RAPGEF2: variants seen among roughly 807,000 people sequenced by gnomAD.
The protein encoded by RAPGEF2 is PDZ domain containing guanine nucleotide exchange factor (GEF) 1.
In RAPGEF2, 54 loss-of-function variants were observed where a neutral mutation model predicts 186.7. The ratio of observed to expected loss-of-function variants is 0.29; its 90% CI spans 0.23 to 0.36. The LOEUF (loss-of-function observed/expected upper bound fraction) is 0.36. RAPGEF2 is among the 10% of genes least tolerant of loss of function. The pLI is 1.00. For missense variants in RAPGEF2, 1,532 were observed against 2,045.0 expected (o/e 0.75, Z 4.84); for synonymous variants, 712 against 705.9 (o/e 1.01, Z -0.14).
chr4:159,199,085 C>T (rs1331542640), intron 3 of RAPGEF2, among the ~76,000 whole-genome samples: 1 of 144,440 alleles, frequency 6.9e-6, no homozygotes, highest in African/African-American at 2.6e-5. Context: ...AAAAGTGAAA[C>T]CAAAGGTTTT....
At chr4:159,357,820 G>T (rs1243728023) in intron 29 of RAPGEF2, among the ~76,000 whole-genome samples, 2 of 151,296 alleles carry the variant, frequency 1.3e-5, no homozygotes, top group Non-Finnish European at 1.5e-5. Context: ...TTTTTAAATG[G>T]CACATGCTAT....
rs201695186 is a variant in RAPGEF2, at chr4:159,353,460, TC to T, written c.4092-26del. On this transcript the variant is annotated intron_variant, in intron 27 of 29. Coordinates refer to ENST00000691494, the MANE Select transcript of RAPGEF2 (RefSeq NM_001394067.2). This position sits in a 1 kb window ranked among gnomAD's most constrained non-coding sequence, Gnocchi z 4.3. The stretch of plus-strand genomic sequence containing the variant: ...TTAGTTATCAATCTTGTTTTTTTTT[TC>T]TTTTCCATTTCTTTTAACCACTTAG... 1.3e-4 allele frequency: 179 copies of T among 1,413,192 alleles called. No homozygotes were observed. In the East Asian group the frequency reaches 2.8e-3, roughly 22 times the overall value. The allele number at this position is 1,413,192 out of a possible 1,614,324, so 87.5% of individuals were successfully genotyped here. A position where few individuals can be genotyped will look rare whatever the true frequency, so the allele number is the denominator to read the frequency against.
intron 7 of RAPGEF2, among the ~76,000 whole-genome samples, chr4:159,257,830 T>G (rs1756361341): frequency 6.6e-6 from 1 of 152,186 alleles, no homozygotes; most frequent in African/African-American, 2.4e-5. Flanking sequence ...TACTGTAGAC[T>G]TGTATAATTT....
At chr4:159,313,627 C>G (rs999783993) in intron 8 of RAPGEF2, among the ~76,000 whole-genome samples, 2 of 151,900 alleles carry the variant, frequency 1.3e-5, no homozygotes, top group African/African-American at 4.8e-5. Flanking sequence ...TGAAGTTGAA[C>G]TTTGTAATAT....
intron 1 of RAPGEF2, among the ~76,000 whole-genome samples, chr4:159,182,850 A>G (rs763765053): frequency 2.6e-5 from 4 of 152,226 alleles, no homozygotes; most frequent in Non-Finnish European, 2.9e-5. Context: ...AATTAAAAGG[A>G]TTAAAATTTA....
Position 159,104,225 on chromosome 4 carries a change from C to G in RAPGEF2, c.63C>G (p.Thr21=). 1 of 1,143,686 alleles carries G rather than the reference C, an allele frequency of 8.7e-7. No homozygotes were observed. The highest frequency in any genetic ancestry group is 1.1e-6 in the Non-Finnish European group (1 of 906,048). 70.8% of individuals were successfully genotyped at this position (1,143,686 alleles called of 1,614,324 possible). The change falls in exon 1 of 30, where the codon ACC becomes ACG. Residue 21 remains threonine (T), a synonymous_variant. Transcript: ENST00000691494. ...QAVMKNPPER[T]PQDLEIVYSY... ...TGATGAAGAATCCCCCCGAAAGGACCCCCCAGGTGAGAACGCGGCGGCCGC... is the reference window on the plus strand; with the variant it reads ...TGATGAAGAATCCCCCCGAAAGGACGCCCCAGGTGAGAACGCGGCGGCCGC...
In RAPGEF2 at chr4:159,345,226, A is replaced by G; in HGVS notation, c.3399A>G (p.Gln1133=). 1 of 1,614,184 alleles carries G rather than the reference A, an allele frequency of 6.2e-7. No homozygotes were observed. Among genetic ancestry groups the G allele is most frequent in the East Asian group, 2.2e-5 (1 of 44,890 alleles). Residue 1133 remains glutamine, a synonymous_variant, in exon 24 of 30, where the codon CAA becomes CAG. Coordinates refer to ENST00000691494, the MANE Select transcript of RAPGEF2 (RefSeq NM_001394067.2). ...LNAKKLYEDA[Q]MARKVKQYLS... is the part of the protein sequence containing the mutation. The stretch of plus-strand genomic sequence containing the variant: ...CCAAAAAGCTTTATGAAGATGCCCA[A>G]ATGGCTCGAAAAGTGAAGCAGTACC...
At chr4:159,179,450 C>T (rs1474039852) in intron 1 of RAPGEF2, among the ~76,000 whole-genome samples, 2 of 152,182 alleles carry the variant, frequency 1.3e-5, no homozygotes, top group African/African-American at 2.4e-5. Context: ...GTGTAACTCC[C>T]TGAAGGCCAT....
intron 20 of RAPGEF2, among the ~76,000 whole-genome samples, chr4:159,342,551 A>G (rs1729638486): frequency 9.7e-6 from 1 of 103,072 alleles, no homozygotes; most frequent in East Asian, 2.1e-4. Context: ...ATTTTATTTT[A>G]TATTATTTTA....
In RAPGEF2 at chr4:159,257,928, G is replaced by A. The variant is rs140794531; in HGVS notation, c.543+14137G>A. On this transcript the variant is annotated intron_variant, in intron 7 of 29. Coordinates refer to ENST00000691494, the MANE Select transcript of RAPGEF2 (RefSeq NM_001394067.2). ...TGGGCTCTTTCATCCCTGATTTCTC[G>A]TTTCTTGTCCTATCCCATTTAAAGT... Among the ~76,000 whole-genome samples, 629 of 152,108 alleles carry A rather than the reference G, an allele frequency of 4.1e-3. 4 individuals are homozygous for A. The highest frequency in any genetic ancestry group is 4.8e-3 in the Non-Finnish European group (327 of 67,978).
intron 1 of RAPGEF2, among the ~76,000 whole-genome samples, chr4:159,125,846 AT>A (rs1458079649): frequency 2.6e-5 from 4 of 152,222 alleles, no homozygotes; most frequent in African/African-American, 9.6e-5. Flanking sequence ...GGCTGTTCCA[AT>A]TGGATTTTGG....
chr4:159,292,128 G>A (rs1761309374), intron 7 of RAPGEF2, among the ~76,000 whole-genome samples: 1 of 152,054 alleles, frequency 6.6e-6, no homozygotes, highest in East Asian at 1.9e-4. Flanking sequence ...CGTACATTTT[G>A]AGCTCCCAAA....
At chr4:159,322,881 C>T (rs1445218928) in intron 10 of RAPGEF2, among the ~76,000 whole-genome samples, 4 of 152,098 alleles carry the variant, frequency 2.6e-5, no homozygotes, top group Non-Finnish European at 5.9e-5. Flanking sequence ...ATAGGGGAAA[C>T]CACCCTCATG....
At chr4:159,293,329 G>A (rs1761489701) in intron 7 of RAPGEF2, among the ~76,000 whole-genome samples, 1 of 152,026 alleles carries the variant, frequency 6.6e-6, no homozygotes, top group Non-Finnish European at 1.5e-5. Context: ...ACAGTTTCTT[G>A]TTTATTATTT....
intron 3 of RAPGEF2, among the ~76,000 whole-genome samples, chr4:159,197,373 C>T (rs564341833): frequency 6.6e-6 from 1 of 152,114 alleles, no homozygotes; most frequent in Non-Finnish European, 1.5e-5. Context: ...TTACATTTAA[C>T]GTGCTCAAAA....
chr4:159,170,588 G>A (rs767337624), intron 1 of RAPGEF2, among the ~76,000 whole-genome samples: 5 of 152,082 alleles, frequency 3.3e-5, no homozygotes, highest in Non-Finnish European at 2.9e-5. Flanking sequence ...GAAAATCCTC[G>A]GGGGCGGGTT....
At chr4:159,300,677 C>T (rs902982184) in intron 7 of RAPGEF2, among the ~76,000 whole-genome samples, 1 of 152,016 alleles carries the variant, frequency 6.6e-6, no homozygotes, top group Non-Finnish European at 1.5e-5. Flanking sequence ...TGGCTACAGT[C>T]GCAAGATAAT....
intron 7 of RAPGEF2, among the ~76,000 whole-genome samples, chr4:159,302,996 T>C (rs1352629539): frequency 6.6e-6 from 1 of 152,162 alleles, no homozygotes; most frequent in Admixed American, 6.5e-5. Flanking sequence ...TATGCCCCTA[T>C]TAAGTTTATG....
Position 159,210,586 on chromosome 4 carries a change from A to G in RAPGEF2, c.281+3A>G. ...TCCATGTTTCTTCCAAGAAGCAGGT[A>G]TTGTATAGACATTCTGTAATAGATT... is the stretch of plus-strand genomic sequence containing the variant. On this transcript the variant is annotated splice_donor_region_variant and intron_variant, in intron 4 of 29. Coordinates refer to ENST00000691494, the MANE Select transcript of RAPGEF2 (RefSeq NM_001394067.2). 1.3e-6 allele frequency: 2 copies of G among 1,510,582 alleles called. No homozygotes were observed. The highest frequency in any genetic ancestry group is 1.8e-6 in the Non-Finnish European group (2 of 1,123,820). 93.6% of individuals were successfully genotyped at this position (1,510,582 alleles called of 1,614,324 possible). A position where few individuals can be genotyped will look rare whatever the true frequency, so the allele number is the denominator to read the frequency against.
Sources: gnomAD v4.1 joint callset for allele counts (sites outside exome capture counted in the v4.1 genomes callset) on GRCh38, gnomAD v4.1.1 for gene constraint, Gnocchi (gnomAD v3.1) non-coding constraint, MANE v1.5 for transcripts, NCBI Gene and HGNC (gene_info 2026-07-23, HGNC 2026-07-21) for gene names.